MAP4K5: variants seen among roughly 807,000 people sequenced by gnomAD.
MAP4K5 encodes the protein MAPK/ERK kinase kinase kinase 5.
Under a neutral mutation model 135.6 loss-of-function variants are expected in MAP4K5, and 82 were observed. The observed-to-expected ratio is 0.60, with a 90% CI of 0.51 to 0.73. MAP4K5 has a LOEUF of 0.73. Ranked by LOEUF, MAP4K5 falls within the 30% of genes least tolerant of loss-of-function variation. The pLI, the probability that MAP4K5 is intolerant of heterozygous loss-of-function variation, is 0.00. For synonymous variants in MAP4K5, 347 were observed against 335.0 expected (o/e 1.04, Z -0.39); for missense variants, 907 against 1,010.9 (o/e 0.90, Z 1.39).
chr14:50,559,693 T>G (rs1000942100), intron 1 of MAP4K5: 1 of 153,644 alleles, frequency 6.5e-6, no homozygotes, highest in Non-Finnish European at 1.4e-5. Context: ...AGTATACATA[T>G]ACAAAAATGC....
At chr14:50,482,240 T>A in intron 6 of MAP4K5, 121 bp downstream of exon 6, 1 of 547,946 alleles carries the variant, frequency 1.8e-6, no homozygotes, top group Non-Finnish European at 3.1e-6. Context: ...TGTTTTACCC[T>A]TTCTCTTTAA....
At chr14:50,480,262 C>T (rs2037207694) in intron 6 of MAP4K5, among the ~76,000 whole-genome samples, 2 of 151,864 alleles carry the variant, frequency 1.3e-5, no homozygotes, top group South Asian at 2.1e-4. Context: ...ATGGAGAAAG[C>T]GGTATCCATC....
In MAP4K5 at chr14:50,448,472, T is replaced by TA. The variant is rs561030334; in HGVS notation, c.1074+301dup. 8.3e-4 allele frequency among the ~76,000 whole-genome samples: 119 copies of TA among 144,112 alleles called. No homozygotes were observed. The South Asian group carries it at 0.01, about 12-fold the overall frequency. 94.5% of individuals were successfully genotyped at this position (144,112 alleles called of 152,430 possible). ...TTACTATAAAACAAACAGAATCAGT[T>TA]AAAAAAAAAAAGGTCCTAAGAGCTT... On this transcript the variant is annotated intron_variant, in intron 15 of 32. Coordinates refer to ENST00000682126, the MANE Select transcript of MAP4K5 (RefSeq NM_006575.6).
intron 28 of MAP4K5, among the ~76,000 whole-genome samples, chr14:50,431,016 A>C (rs1260139417): frequency 6.6e-6 from 1 of 152,236 alleles, no homozygotes; most frequent in African/African-American, 2.4e-5. Context: ...CCTTGTAAAA[A>C]GTACATGTTT....
In MAP4K5 at chr14:50,464,043, A is replaced by G. The variant is rs752525161; in HGVS notation, c.819+9T>C. The G allele has an allele frequency of 3.7e-5, 55 of 1,500,506 alleles. No individual in the cohort carries two copies. The highest frequency in any genetic ancestry group is 4.7e-5 in the Non-Finnish European group (52 of 1,101,576). 92.9% of individuals were successfully genotyped at this position (1,500,506 alleles called of 1,614,324 possible). ...TATAGGAAGACCCCTCGTAATTTCA[A>G]TGACTTACAGTCAGAAGTCTTTCAG... On this transcript the variant is annotated intron_variant, in intron 12 of 32. Coordinates refer to ENST00000682126, the MANE Select transcript of MAP4K5 (RefSeq NM_006575.6).
intron 2 of MAP4K5, among the ~76,000 whole-genome samples, chr14:50,524,558 C>A (rs1180641367): frequency 6.6e-6 from 1 of 151,452 alleles, no homozygotes; most frequent in Admixed American, 6.6e-5. Flanking sequence ...GTACATGGAG[C>A]TTTGAAAACA....
chr14:50,540,076 T>C (rs774447959), intron 2 of MAP4K5, among the ~76,000 whole-genome samples: 14 of 152,214 alleles, frequency 9.2e-5, no homozygotes, highest in Non-Finnish European at 2.9e-5. Flanking sequence ...GGATTAGAGA[T>C]GATGATTGGG....
chr14:50,502,817 T>C (rs1371301554), intron 3 of MAP4K5, among the ~76,000 whole-genome samples: 1 of 152,068 alleles, frequency 6.6e-6, no homozygotes, highest in Non-Finnish European at 1.5e-5. Flanking sequence ...TTCAAATCTG[T>C]GGATAAGAGA....
intron 2 of MAP4K5, among the ~76,000 whole-genome samples, chr14:50,539,938 T>C (rs755933242): frequency 6.6e-6 from 1 of 152,162 alleles, no homozygotes; most frequent in Non-Finnish European, 1.5e-5. Flanking sequence ...TGCTCTGTTA[T>C]AGTCATTCTG....
chr14:50,517,200 G>A (rs1240479915), intron 2 of MAP4K5, among the ~76,000 whole-genome samples: 1 of 150,484 alleles, frequency 6.6e-6, no homozygotes, highest in African/African-American at 2.4e-5. Flanking sequence ...CACCCAGGCT[G>A]GAGTGCAGTG....
chr14:50,440,350 AT>A lies in MAP4K5; in HGVS notation c.1644+11del, dbSNP rs2036197726. 1 of 1,537,062 alleles carries A rather than the reference AT, an allele frequency of 6.5e-7. No individual in the cohort carries two copies. The highest frequency in any genetic ancestry group is 1.4e-5 in the African/African-American group (1 of 73,264). On this transcript the variant is annotated intron_variant, in intron 22 of 32. Transcript: ENST00000682126. Reference sequence around the variant, plus strand: ...GTTTAAATTAATTTCTTGAATTAAAATGCCTAATTACCTGTTCCATCGTTGC... The same window carrying A: ...GTTTAAATTAATTTCTTGAATTAAAAGCCTAATTACCTGTTCCATCGTTGC...
At position 50,447,894 on chromosome 14, in the gene MAP4K5, T is replaced by C. The variant is rs1337126839; in HGVS notation, c.1075-413A>G. 1.7e-4 allele frequency among the ~76,000 whole-genome samples: 3 copies of C among 17,172 alleles called. No individual in the cohort carries two copies. In the Non-Finnish European group the frequency reaches 0.013, roughly 73 times the overall value. The allele number at this position is 17,172 out of a possible 152,430, so 11.3% of individuals were successfully genotyped here. A position where few individuals can be genotyped will look rare whatever the true frequency, so the allele number is the denominator to read the frequency against. The stretch of plus-strand genomic sequence containing the variant: ...TAGCATGGAAACTGGGGTTTTATCA[T>C]ACAGCAACATATTTACAGTAAGAAG... On this transcript the variant is annotated intron_variant, in intron 15 of 32. Coordinates refer to ENST00000682126, the MANE Select transcript of MAP4K5 (RefSeq NM_006575.6).
chr14:50,552,780 A>G (rs768231860), intron 1 of MAP4K5, among the ~76,000 whole-genome samples: 1 of 152,238 alleles, frequency 6.6e-6, no homozygotes, highest in East Asian at 1.9e-4. Flanking sequence ...ACCCTATTCA[A>G]TAAATGGTGC....
At chr14:50,468,570 G>T in intron 10 of MAP4K5, 81 bp downstream of exon 10, 7 of 1,382,226 alleles carry the variant, frequency 5.1e-6, no homozygotes, top group Non-Finnish European at 7.0e-6. Flanking sequence ...TCTTAAAAAT[G>T]AGCTTGATGC....
At chr14:50,536,307 A>T (rs574520561), upstream of MAP4K5, among the ~76,000 whole-genome samples, 2 of 152,196 alleles carry the variant, frequency 1.3e-5, no homozygotes, top group East Asian at 3.9e-4. Context: ...ATGGTGGTAC[A>T]TGCCTGTAAT....
In MAP4K5 at chr14:50,418,937, A is replaced by T. The variant is rs1364752047; in HGVS notation, c.*1082T>A. The T allele has an allele frequency of 2.6e-5, 4 of 152,158 alleles. No homozygotes were observed. Among genetic ancestry groups the T allele is most frequent in the Non-Finnish European group, 5.9e-5 (4 of 68,000 alleles). The allele number at this position is 152,158 out of a possible 1,614,324, so 9.4% of individuals were successfully genotyped here. On this transcript the variant is annotated 3_prime_UTR_variant, in exon 33 of 33. Coordinates refer to ENST00000682126, the MANE Select transcript of MAP4K5 (RefSeq NM_006575.6). ...TTAGAATACTGGCTTTTAAATACTTATTGATACTATCCCATCAGGAATTCA... is the reference window on the plus strand; with the variant it reads ...TTAGAATACTGGCTTTTAAATACTTTTTGATACTATCCCATCAGGAATTCA...
rs146532384 is a variant in MAP4K5 at position 50,509,174 on chromosome 14, T to C, written c.109-4317A>G. Among the ~76,000 whole-genome samples, 121 of 151,206 alleles carry C rather than the reference T, an allele frequency of 8.0e-4. 1 individual carries two copies. In the East Asian group the frequency reaches 0.011, roughly 13 times the overall value. Reference sequence around the variant, plus strand: ...ACATATTCTCACTCATAGGTGGGAATTGAACAACAAGAACACTTGGACACA... The same window carrying C: ...ACATATTCTCACTCATAGGTGGGAACTGAACAACAAGAACACTTGGACACA... On this transcript the variant is annotated intron_variant, in intron 2 of 32. Transcript: ENST00000682126.
intron 15 of MAP4K5, 104 bp from the exon 16 acceptor site, chr14:50,447,585 G>T: frequency 3.1e-6 from 2 of 638,002 alleles, no homozygotes; most frequent in Non-Finnish European, 2.6e-6. Flanking sequence ...TAATCATCTT[G>T]GCATTCAATC....
chr14:50,496,806 C>T (rs761521981), intron 3 of MAP4K5, among the ~76,000 whole-genome samples: 10 of 150,706 alleles, frequency 6.6e-5, no homozygotes, highest in Non-Finnish European at 1.0e-4. Context: ...AACCACCGCT[C>T]CCAGACCAAA....
Sources: allele counts gnomAD v4.1 joint callset (sites outside exome capture counted in the v4.1 genomes callset), GRCh38; gene constraint gnomAD v4.1.1; transcripts MANE v1.5; gene names NCBI Gene and HGNC (gene_info 2026-07-23, HGNC 2026-07-21).